The following MAPK8IP1 variants were observed in gnomAD, a reference collection of about 807,000 sequenced individuals.
MAPK8IP1 encodes mitogen-activated protein kinase 8 interacting protein 1.
In MAPK8IP1, 17 loss-of-function variants were observed where a neutral mutation model predicts 72.6. The observed-to-expected ratio is 0.23, with a 90% CI of 0.16 to 0.35. MAPK8IP1 has a LOEUF of 0.35. Among genes scored for constraint, MAPK8IP1 ranks in the 10% least tolerant of loss-of-function variants. The pLI, the probability that MAPK8IP1 is intolerant of heterozygous loss-of-function variation, is 1.00. For synonymous variants in MAPK8IP1, 401 were observed against 443.4 expected (o/e 0.90, Z 1.20); for missense variants, 789 against 1,009.7 (o/e 0.78, Z 2.96).
chr11:45,898,440 A>T (rs1025018941), intron 2 of MAPK8IP1, among the ~76,000 whole-genome samples: 17 of 152,270 alleles, frequency 1.1e-4, no homozygotes, highest in Admixed American at 3.3e-4. Flanking sequence ...TCAACTGCCC[A>T]CGAGATGGGA....
intron 3 of MAPK8IP1, among the ~76,000 whole-genome samples, chr11:45,901,726 A>G (rs2086653943): frequency 6.6e-6 from 1 of 152,188 alleles, no homozygotes; most frequent in Admixed American, 6.5e-5. Flanking sequence ...TAAGGCTGAT[A>G]AGAGCATCTC....
chr11:45,899,903 G>T (rs972303604), intron 2 of MAPK8IP1, among the ~76,000 whole-genome samples: 2 of 152,182 alleles, frequency 1.3e-5, no homozygotes, highest in Non-Finnish European at 2.9e-5. Flanking sequence ...GGAGTCCGGG[G>T]TGGGGACTGT....
rs1265997781 is a variant in MAPK8IP1 at position 45,896,669 on chromosome 11, ACC to A, written c.102-1414_102-1413del. ...TGCGCTGGGAAGAGCTGGGGCTGGG[ACC>A]CGGGTCGGCAGCTGCAGCCTCCTCT... is the stretch of plus-strand genomic sequence containing the variant. On this transcript the variant is annotated intron_variant, in intron 1 of 11. Coordinates refer to ENST00000241014, the MANE Select transcript of MAPK8IP1 (RefSeq NM_005456.4). 11 of 1,403,162 alleles carry A rather than the reference ACC, an allele frequency of 7.8e-6. No individual in the cohort carries two copies. In the African/African-American group the frequency reaches 1.6e-4, roughly 20 times the overall value. 86.9% of individuals were successfully genotyped at this position (1,403,162 alleles called of 1,614,324 possible). A position where few individuals can be genotyped will look rare whatever the true frequency, so the allele number is the denominator to read the frequency against.
In MAPK8IP1 at chr11:45,904,783, C is replaced by A; in HGVS notation, c.1842C>A (p.Ser614Arg). Residue 614 changes from serine (S) to arginine (R), a missense_variant, in exon 9 of 12, where the codon AGC becomes AGA. Ser to Arg is a moderately radical substitution (Grantham distance 110, BLOSUM62 -1). This residue lies in a region of MAPK8IP1 where 188 missense variants were observed against 293.3 expected (regional missense o/e 0.64). Transcript: ENST00000241014. The surrounding 1 kb of genome is among the most constrained non-coding windows in gnomAD (Gnocchi z 6.4). ...CCTCCAGCTGTGTCCTGGAGATCAG[C>A]GTGCGGGGTGTGAAGATAGGCGTCA... The part of the protein sequence containing the change: ...NPPSSCVLEI[S>R]VRGVKIGVKA... 6.2e-7 allele frequency: 1 copy of A among 1,614,032 alleles called. No homozygotes were observed. Among genetic ancestry groups the A allele is most frequent in the Non-Finnish European group, 8.5e-7 (1 of 1,180,028 alleles).
At position 45,904,570 on chromosome 11, in the gene MAPK8IP1, T is replaced by C. The variant is rs2134678398; in HGVS notation, c.1776+6T>C. 1 of 1,613,206 alleles carries C rather than the reference T, an allele frequency of 6.2e-7. No homozygotes were observed. Among genetic ancestry groups the C allele is most frequent in the South Asian group, 1.1e-5 (1 of 91,062 alleles). On this transcript the variant is annotated splice_donor_region_variant and intron_variant, in intron 8 of 11. Transcript: ENST00000241014. The surrounding 1 kb of genome is among the most constrained non-coding windows in gnomAD (Gnocchi z 6.4). ...TCTGTGCTGCTATGCAAAAGGTACCTGAGCCCTCTCCCTTCTCCTCCCTTG... is the reference window on the plus strand; with the variant it reads ...TCTGTGCTGCTATGCAAAAGGTACCCGAGCCCTCTCCCTTCTCCTCCCTTG...
At position 45,898,193 on chromosome 11, in the gene MAPK8IP1, A is replaced by G; in HGVS notation, c.207+3A>G. ...GCAAAGACACCCTGTCCTTACGGGTAAGGGCAAGCTCCCAGGAGCTCCTGA... is the reference window on the plus strand; with the variant it reads ...GCAAAGACACCCTGTCCTTACGGGTGAGGGCAAGCTCCCAGGAGCTCCTGA... On this transcript the variant is annotated splice_donor_region_variant and intron_variant, in intron 2 of 11. Coordinates refer to ENST00000241014, the MANE Select transcript of MAPK8IP1 (RefSeq NM_005456.4). 6.2e-7 allele frequency: 1 copy of G among 1,607,414 alleles called. No homozygotes were observed. Among genetic ancestry groups the G allele is most frequent in the Non-Finnish European group, 8.5e-7 (1 of 1,174,798 alleles).
At chr11:45,888,362 C>T (rs1231455613) in intron 1 of MAPK8IP1, among the ~76,000 whole-genome samples, 1 of 152,192 alleles carries the variant, frequency 6.6e-6, no homozygotes, top group African/African-American at 2.4e-5. Flanking sequence ...AGAGTATTTA[C>T]TCCTCCCAAT....
At chr11:45,897,762 A>T (rs1309365447) in intron 1 of MAPK8IP1, among the ~76,000 whole-genome samples, 2 of 152,032 alleles carry the variant, frequency 1.3e-5, no homozygotes, top group Non-Finnish European at 2.9e-5. Context: ...ACCTGCCTTG[A>T]CCCTGGGAGG....
At chr11:45,895,105 A>G (rs570257147) in intron 1 of MAPK8IP1, among the ~76,000 whole-genome samples, 58 of 152,356 alleles carry the variant, frequency 3.8e-4, no homozygotes, top group African/African-American at 1.4e-3. Flanking sequence ...CTGCAGGCAC[A>G]GGAACCTGCT....
At chr11:45,887,512 T>C (rs554733034) in intron 1 of MAPK8IP1, among the ~76,000 whole-genome samples, 7 of 152,294 alleles carry the variant, frequency 4.6e-5, no homozygotes, top group African/African-American at 1.7e-4. Flanking sequence ...ATCTGGAGAC[T>C]ACAAAAGAGT....
intron 1 of MAPK8IP1, among the ~76,000 whole-genome samples, chr11:45,886,588 T>A (rs1447411471): frequency 6.6e-6 from 1 of 152,082 alleles, no homozygotes; most frequent in Non-Finnish European, 1.5e-5. Flanking sequence ...GTCGAGGGGA[T>A]CCCTGCTGGG....
chr11:45,893,359 G>A (rs1290851802), intron 1 of MAPK8IP1, among the ~76,000 whole-genome samples: 3 of 152,304 alleles, frequency 2.0e-5, no homozygotes, highest in Non-Finnish European at 1.5e-5. Context: ...GGGCCATTTA[G>A]AAAAGTGCAG....
chr11:45,903,111 G>A lies in MAPK8IP1; in HGVS notation c.1344G>A (p.Thr448=), dbSNP rs148883443. 3.0e-4 allele frequency: 476 copies of A among 1,610,472 alleles called. No homozygotes were observed. The African/African-American group carries it at 5.5e-3, about 19-fold the overall frequency. Residue 448 remains threonine, a synonymous_variant, in exon 5 of 12, where the codon ACG becomes ACA. Transcript: ENST00000241014. The surrounding 1 kb of genome is among the most constrained non-coding windows in gnomAD (Gnocchi z 6.4). ...CTGCCTGCCTCTCCGAGGACTCCAC[G>A]CCTGATGAACCCGACGTCCATTTCT... ...QPPACLSEDS[T]PDEPDVHFSK...
chr11:45,900,596 G>T lies in MAPK8IP1; in HGVS notation c.522+144G>T, dbSNP rs1195600128. 3 of 937,234 alleles carry T rather than the reference G, an allele frequency of 3.2e-6. No homozygotes were observed. The highest frequency in any genetic ancestry group is 5.4e-5 in the Admixed American group (2 of 37,130). 58.1% of individuals were successfully genotyped at this position (937,234 alleles called of 1,614,324 possible). A position where few individuals can be genotyped will look rare whatever the true frequency, so the allele number is the denominator to read the frequency against. On this transcript the variant is annotated intron_variant, in intron 3 of 11. Transcript: ENST00000241014. The surrounding 1 kb of genome is among the most constrained non-coding windows in gnomAD (Gnocchi z 6.5). ...ATAGGGGCCGCGGTGGCTCGCTCCC[G>T]GTGTTGGGATCCGAGGAGCGGGCAG... is the stretch of plus-strand genomic sequence containing the variant.
In MAPK8IP1 at chr11:45,903,072, G is replaced by A. The variant is rs145550144; in HGVS notation, c.1305G>A (p.Pro435=). The change falls in exon 5 of 12, where the codon CCG becomes CCA. Residue 435 remains proline, a synonymous_variant. Transcript: ENST00000241014. The surrounding 1 kb of genome is among the most constrained non-coding windows in gnomAD (Gnocchi z 6.4). ...TCGGAGAGGAATATGAGGAGGCCCC[G>A]CGGCCCCAGCCCCCTGCCTGCCTCT... ...SAIGEEYEEA[P]RPQPPACLSE... is the part of the protein sequence containing the mutation. 80 of 1,611,322 alleles carry A rather than the reference G, an allele frequency of 5.0e-5. 1 individual carries two copies. The highest frequency in any genetic ancestry group is 6.7e-5 in the African/African-American group (5 of 74,858).
intron 1 of MAPK8IP1, among the ~76,000 whole-genome samples, chr11:45,890,677 T>C (rs931353131): frequency 1.3e-5 from 2 of 151,898 alleles, no homozygotes; most frequent in African/African-American, 2.4e-5. Context: ...AGGATGATGC[T>C]GGGGCTCCTT....
At chr11:45,888,434 G>A (rs537601559) in intron 1 of MAPK8IP1, among the ~76,000 whole-genome samples, 36 of 152,286 alleles carry the variant, frequency 2.4e-4, no homozygotes, top group African/African-American at 7.9e-4. Flanking sequence ...GGCAGAGGGA[G>A]GTTAGGTAAG....
In MAPK8IP1 at chr11:45,904,442, G is replaced by A. The variant is rs573661250; in HGVS notation, c.1667-13G>A. On this transcript the variant is annotated splice_polypyrimidine_tract_variant and intron_variant, in intron 7 of 11. Transcript: ENST00000241014. The surrounding 1 kb of genome is among the most constrained non-coding windows in gnomAD (Gnocchi z 6.4). Reference sequence around the variant, plus strand: ...CTCTTTCTGCCCCTCCTCAATTCACGCTTGCTTTCCAGCCCTGGCCAAAAA... The same window carrying A: ...CTCTTTCTGCCCCTCCTCAATTCACACTTGCTTTCCAGCCCTGGCCAAAAA... The A allele has an allele frequency of 1.2e-5, 19 of 1,609,386 alleles. No individual in the cohort carries two copies. The highest frequency in any genetic ancestry group is 1.8e-4 in the Middle Eastern group (1 of 5,686).
At chr11:45,894,279 GAGTC>G in intron 1 of MAPK8IP1, among the ~76,000 whole-genome samples, 1 of 152,336 alleles carries the variant, frequency 6.6e-6, no homozygotes, top group East Asian at 1.9e-4. Context: ...CAACGTGAAA[GAGTC>G]AGGATTTATT....
Sources: gnomAD v4.1 joint callset for allele counts (sites outside exome capture counted in the v4.1 genomes callset) on GRCh38, gnomAD v4.1.1 for gene constraint, gnomAD v4.1.1 regional missense constraint, Gnocchi (gnomAD v3.1) non-coding constraint, MANE v1.5 for transcripts, NCBI Gene and HGNC (gene_info 2026-07-23, HGNC 2026-07-21) for gene names.